The following PTPN11 variants were observed in gnomAD, a reference collection of about 807,000 sequenced individuals.
PTPN11 encodes tyrosine-protein phosphatase non-receptor type 11.
In PTPN11, 6 loss-of-function variants were observed where a neutral mutation model predicts 78.8. The ratio of observed to expected loss-of-function variants is 0.08; its 90% CI spans 0.04 to 0.15. The LOEUF is 0.15. Among genes scored for constraint, PTPN11 ranks in the 10% least tolerant of loss-of-function variants. The pLI, the probability that PTPN11 is intolerant of heterozygous loss-of-function variation, is 1.00. For synonymous variants in PTPN11, 221 were observed against 263.5 expected (o/e 0.84, Z 1.56); for missense variants, 386 against 744.8 (o/e 0.52, Z 5.61).
At chr12:112,486,925 T>C (rs2038687259) in intron 11 of PTPN11, 3 of 1,361,590 alleles carry the variant, frequency 2.2e-6, no homozygotes, top group Non-Finnish European at 2.8e-6. Flanking sequence ...TCATCCTGGC[T>C]CTGCAGTTTC....
In PTPN11 at chr12:112,478,543, C is replaced by T. The variant is rs544882126; in HGVS notation, c.1092+528C>T. On this transcript the variant is annotated intron_variant, in intron 9 of 15. Coordinates refer to ENST00000351677, the MANE Select transcript of PTPN11 (RefSeq NM_002834.5). ...AGTTTTTTCTCCCCGTGTTTCATTT[C>T]GAATAGCTTCTTTTGCTATGTCTCC... Among the ~76,000 whole-genome samples, 6 of 152,252 alleles carry T rather than the reference C, an allele frequency of 3.9e-5. No homozygotes were observed. The East Asian group carries it at 1.2e-3, about 29-fold the overall frequency.
At chr12:112,474,089 C>T (rs1024419226) in intron 7 of PTPN11, among the ~76,000 whole-genome samples, 2 of 152,120 alleles carry the variant, frequency 1.3e-5, no homozygotes, top group Admixed American at 1.3e-4. Context: ...TGGCTTACGC[C>T]TGTAATCCCA....
Position 112,450,396 on chromosome 12 carries a change from C to T in PTPN11, c.216C>T (p.Ala72=), listed in dbSNP as rs777529056. The change falls in exon 3 of 16, where the codon GCC becomes GCT. Residue 72 remains alanine, a synonymous_variant. Transcript: ENST00000351677. The part of the protein sequence containing the change: ...YYDLYGGEKF[A]TLAELVQYYM... Reference sequence around the variant, plus strand: ...ACCTGTATGGAGGGGAGAAATTTGCCACTTTGGCTGAGTTGGTCCAGTATT... The same window carrying T: ...ACCTGTATGGAGGGGAGAAATTTGCTACTTTGGCTGAGTTGGTCCAGTATT... 6.2e-7 allele frequency: 1 copy of T among 1,613,682 alleles called. No homozygotes were observed. The highest frequency in any genetic ancestry group is 8.5e-7 in the Non-Finnish European group (1 of 1,179,632).
At chr12:112,450,746 A>T (rs1234619038) in intron 3 of PTPN11, among the ~76,000 whole-genome samples, 1 of 152,254 alleles carries the variant, frequency 6.6e-6, no homozygotes, top group Non-Finnish European at 1.5e-5. Context: ...TAGGGGTTGC[A>T]TACCATTCCT....
chr12:112,458,110 A>G (rs1054819268), intron 6 of PTPN11, among the ~76,000 whole-genome samples: 2 of 152,230 alleles, frequency 1.3e-5, no homozygotes, highest in East Asian at 1.9e-4. Flanking sequence ...TGTCTGAACA[A>G]CTTGCTGAGA....
intron 6 of PTPN11, among the ~76,000 whole-genome samples, chr12:112,468,446 G>GT (rs2038363308): frequency 6.6e-6 from 1 of 152,276 alleles, no homozygotes; most frequent in African/African-American, 2.4e-5. Flanking sequence ...CTTCTGAATT[G>GT]TTTGTATTTT....
At chr12:112,484,775 A>T (rs183795261) in intron 10 of PTPN11, among the ~76,000 whole-genome samples, 1 of 152,152 alleles carries the variant, frequency 6.6e-6, no homozygotes, top group African/African-American at 2.4e-5. Flanking sequence ...TAATCCCAGC[A>T]TATTGGGAGG....
At chr12:112,505,656 C>CAAAAAAAA (rs1191524369) in intron 15 of PTPN11, among the ~76,000 whole-genome samples, 169 bp from the exon 16 acceptor site, 1 of 36,730 alleles carries the variant, frequency 2.7e-5, no homozygotes, top group Non-Finnish European at 6.4e-5. Flanking sequence ...AACTCCATCT[C>CAAAAAAAA]AAAAAAAAAA....
chr12:112,436,145 C>A (rs1795781150), intron 1 of PTPN11, among the ~76,000 whole-genome samples: 1 of 151,872 alleles, frequency 6.6e-6, no homozygotes, highest in South Asian at 2.1e-4. Flanking sequence ...TCAGGTGGTA[C>A]CAATATCGGG....
At chr12:112,456,546 C>A (rs1156336381) in intron 6 of PTPN11, among the ~76,000 whole-genome samples, 1 of 151,166 alleles carries the variant, frequency 6.6e-6, no homozygotes, top group African/African-American at 2.4e-5. Context: ...GCAGCCCCGT[C>A]CTCCCTGGGC....
chr12:112,422,642 G>A (rs998663593), intron 1 of PTPN11, among the ~76,000 whole-genome samples: 13 of 152,248 alleles, frequency 8.5e-5, no homozygotes, highest in African/African-American at 2.9e-4. Flanking sequence ...TATCTCCTGC[G>A]GGAGTAAATA....
At chr12:112,472,620 T>C (rs937485704) in intron 6 of PTPN11, among the ~76,000 whole-genome samples, 46 of 152,002 alleles carry the variant, frequency 3.0e-4, no homozygotes, top group African/African-American at 1.0e-3. Flanking sequence ...GTGATTCCTG[T>C]GTCACCCTCC....
At chr12:112,445,142 A>G (rs970995352) in intron 1 of PTPN11, among the ~76,000 whole-genome samples, 1 of 151,718 alleles carries the variant, frequency 6.6e-6, no homozygotes, top group Non-Finnish European at 1.5e-5. Flanking sequence ...TATTATTATT[A>G]TTTTTTTGAG....
At chr12:112,434,699 G>C (rs1328727335) in intron 1 of PTPN11, among the ~76,000 whole-genome samples, 1 of 152,168 alleles carries the variant, frequency 6.6e-6, no homozygotes, top group Non-Finnish European at 1.5e-5. Flanking sequence ...TGTGTGTCGA[G>C]TGTGTTTCAC....
At chr12:112,457,794 T>C (rs2038185964) in intron 6 of PTPN11, among the ~76,000 whole-genome samples, 1 of 152,242 alleles carries the variant, frequency 6.6e-6, no homozygotes, top group African/African-American at 2.4e-5. Context: ...CACTTACCCA[T>C]TGACAATGTG....
intron 1 of PTPN11, among the ~76,000 whole-genome samples, chr12:112,420,085 TA>T (rs1011093500): frequency 6.6e-6 from 1 of 152,224 alleles, no homozygotes; most frequent in Non-Finnish European, 1.5e-5. Flanking sequence ...ACAGAATCCC[TA>T]CTTTTAATCA....
chr12:112,477,083 C>G (rs2038516715), intron 7 of PTPN11, among the ~76,000 whole-genome samples: 1 of 151,940 alleles, frequency 6.6e-6, no homozygotes, highest in African/African-American at 2.4e-5. Context: ...CTGGAGTGAT[C>G]TTGGCTCACT....
intron 1 of PTPN11, among the ~76,000 whole-genome samples, chr12:112,421,841 TGG>T (rs759721962): frequency 3.3e-5 from 5 of 152,128 alleles, no homozygotes; most frequent in African/African-American, 4.8e-5. Flanking sequence ...TTGGCCAGGC[TGG>T]TCTCAAACTC....
At chr12:112,498,922 G>A (rs1343009797) in intron 13 of PTPN11, among the ~76,000 whole-genome samples, 1 of 152,138 alleles carries the variant, frequency 6.6e-6, no homozygotes, top group East Asian at 1.9e-4. Flanking sequence ...GGATTCCTTT[G>A]AGTCATTGAA....
Sources: allele counts gnomAD v4.1 joint callset (sites outside exome capture counted in the v4.1 genomes callset), GRCh38; gene constraint gnomAD v4.1.1; transcripts MANE v1.5; gene names NCBI Gene and HGNC (gene_info 2026-07-23, HGNC 2026-07-21).